NALCN: variants seen among roughly 807,000 people sequenced by gnomAD.
NALCN encodes the protein sodium leak channel, non-selective.
Under a neutral mutation model 225.3 loss-of-function variants are expected in NALCN, and 111 were observed. That is an observed-to-expected ratio of 0.49 (90% CI 0.42 to 0.58). The LOEUF (loss-of-function observed/expected upper bound fraction) is 0.58, where lower values mean the gene tolerates loss of function less well. Ranked by LOEUF, NALCN falls within the 20% of genes least tolerant of loss-of-function variation. NALCN has a pLI of 0.00. For missense variants in NALCN, 1,378 were observed against 2,202.4 expected (o/e 0.63, Z 7.49); for synonymous variants, 764 against 769.0 (o/e 0.99, Z 0.11).
intron 7 of NALCN, among the ~76,000 whole-genome samples, chr13:101,308,462 C>G (rs185091697): frequency 6.6e-6 from 1 of 152,164 alleles, no homozygotes; most frequent in South Asian, 2.1e-4. Flanking sequence ...GCCACAGAGG[C>G]CTGCACTTTG....
intron 15 of NALCN, among the ~76,000 whole-genome samples, chr13:101,167,321 T>C (rs534753913): frequency 1.3e-5 from 2 of 152,350 alleles, no homozygotes; most frequent in South Asian, 2.1e-4. Context: ...ATTTTAACAA[T>C]ATTAAGCCTT....
chr13:101,296,777 T>A (rs1231654860), intron 7 of NALCN, among the ~76,000 whole-genome samples: 1 of 152,174 alleles, frequency 6.6e-6, no homozygotes, highest in Non-Finnish European at 1.5e-5. Context: ...AAGGCACAAA[T>A]TAAAGCTGTG....
intron 7 of NALCN, among the ~76,000 whole-genome samples, chr13:101,335,613 T>G (rs1008398948): frequency 2.0e-5 from 3 of 152,062 alleles, no homozygotes; most frequent in African/African-American, 7.2e-5. Context: ...TTGCCTTAGT[T>G]CTCTCTTCCA....
chr13:101,290,315 C>A (rs182257514), intron 9 of NALCN, among the ~76,000 whole-genome samples: 2 of 152,288 alleles, frequency 1.3e-5, no homozygotes, highest in East Asian at 3.9e-4. Flanking sequence ...AGGTCATCTC[C>A]AGGAACACTG....
intron 40 of NALCN, among the ~76,000 whole-genome samples, chr13:101,062,833 C>A (rs1007806077): frequency 2.0e-5 from 3 of 152,072 alleles, no homozygotes; most frequent in Non-Finnish European, 4.4e-5. Flanking sequence ...AAACTCCTAA[C>A]CTCAAATGAT....
intron 7 of NALCN, among the ~76,000 whole-genome samples, chr13:101,339,716 A>G (rs146369548): frequency 4.6e-4 from 70 of 152,302 alleles, no homozygotes; most frequent in African/African-American, 1.6e-3. Context: ...TCGAATGTAT[A>G]TGGATAAATA....
intron 14 of NALCN, among the ~76,000 whole-genome samples, chr13:101,189,780 C>T (rs551725972): frequency 6.6e-6 from 1 of 152,236 alleles, no homozygotes; most frequent in South Asian, 2.1e-4. Flanking sequence ...TAACTTATAA[C>T]TGTTGTTTGA....
intron 13 of NALCN, among the ~76,000 whole-genome samples, chr13:101,203,980 A>G (rs1444037971): frequency 6.6e-6 from 1 of 152,228 alleles, no homozygotes; most frequent in Admixed American, 6.5e-5. Context: ...CAGGTAAATT[A>G]AGTGCTTTGC....
At chr13:101,251,286 G>T (rs969950157) in intron 11 of NALCN, among the ~76,000 whole-genome samples, 5 of 151,938 alleles carry the variant, frequency 3.3e-5, no homozygotes, top group Non-Finnish European at 7.4e-5. Flanking sequence ...TGCTTCAATC[G>T]ACATGAATCA....
chr13:101,145,074 A>G (rs1172162132), intron 15 of NALCN, among the ~76,000 whole-genome samples, 178 bp from the exon 16 acceptor site: 1 of 151,892 alleles, frequency 6.6e-6, no homozygotes, highest in African/African-American at 2.4e-5. Context: ...ATGAGCTAAA[A>G]CTTTTGAGTT....
chr13:101,098,223 T>C (rs1025224349), intron 27 of NALCN, among the ~76,000 whole-genome samples: 12 of 152,308 alleles, frequency 7.9e-5, no homozygotes, highest in South Asian at 4.1e-4. Flanking sequence ...CAATTTCCCA[T>C]GCTGACATCA....
Position 101,068,772 on chromosome 13 carries a change from CCA to C in NALCN, c.4251_4252del (p.Cys1417TrpfsTer40), listed in dbSNP as rs779882722. The C allele has an allele frequency of 9.3e-6, 15 of 1,612,756 alleles. No homozygotes were observed. Among genetic ancestry groups the C allele is most frequent in the Non-Finnish European group, 1.0e-5 (12 of 1,179,538 alleles). On this transcript the variant is annotated frameshift_variant, in exon 38 of 44. Coordinates refer to ENST00000251127, the MANE Select transcript of NALCN (RefSeq NM_052867.4). LOFTEE classifies it high-confidence loss of function. ...ATACATAAGTGCCCCAGCATAATTT[CCA>C]CAGTCTGTTGCCCAGTATGTAAATT...
At chr13:101,275,920 T>C (rs1399483913) in intron 10 of NALCN, among the ~76,000 whole-genome samples, 1 of 151,604 alleles carries the variant, frequency 6.6e-6, no homozygotes, top group African/African-American at 2.4e-5. Flanking sequence ...AAAAATTAGC[T>C]GGGCATGGTG....
chr13:101,093,917 C>T (rs540806173), intron 28 of NALCN, among the ~76,000 whole-genome samples: 74 of 152,262 alleles, frequency 4.9e-4, no homozygotes, highest in African/African-American at 1.1e-3. Flanking sequence ...CAGGCCACCA[C>T]GAGATTCTCA....
intron 1 of NALCN, among the ~76,000 whole-genome samples, chr13:101,414,283 T>C (rs1425934523): frequency 1.3e-5 from 2 of 152,184 alleles, no homozygotes; most frequent in Non-Finnish European, 2.9e-5. Context: ...GCTTACATAT[T>C]TGTCTTTCCT....
At chr13:101,155,977 A>C (rs1171250422) in intron 15 of NALCN, among the ~76,000 whole-genome samples, 1 of 152,182 alleles carries the variant, frequency 6.6e-6, no homozygotes, top group African/African-American at 2.4e-5. Flanking sequence ...TTCTGAGAGA[A>C]TCAGTTGTCC....
At chr13:101,056,962 T>C (rs1046420126) in intron 43 of NALCN, 3 of 152,194 alleles carry the variant, frequency 2.0e-5, no homozygotes, top group South Asian at 2.1e-4. Context: ...GGAACCTAGA[T>C]CTTCTCTGAT....
chr13:101,128,766 T>C (rs2139718968), intron 17 of NALCN, among the ~76,000 whole-genome samples: 1 of 152,168 alleles, frequency 6.6e-6, no homozygotes, highest in African/African-American at 2.4e-5. Flanking sequence ...TTCTTCATGT[T>C]GCACAGGCTG....
intron 1 of NALCN, among the ~76,000 whole-genome samples, chr13:101,404,565 AAGT>A (rs72033194): frequency 0.067 from 10,178 of 152,264 alleles, 412 homozygotes; most frequent in Non-Finnish European, 0.093. Context: ...GCTGCAGATG[AAGT>A]AGTAATTAGT....
Sources: allele counts gnomAD v4.1 joint callset (sites outside exome capture counted in the v4.1 genomes callset), GRCh38; gene constraint gnomAD v4.1.1; transcripts MANE v1.5; gene names NCBI Gene and HGNC (gene_info 2026-07-23, HGNC 2026-07-21).